ADSS1: variants seen among roughly 807,000 people sequenced by gnomAD.
ADSS1 encodes the protein adenylosuccinate synthase 1.
Under a neutral mutation model 59.1 loss-of-function variants are expected in ADSS1, and 57 were observed. The observed-to-expected ratio is 0.97, with a 90% CI of 0.78 to 1.20. The LOEUF (loss-of-function observed/expected upper bound fraction) is 1.20. Among genes scored for constraint, ADSS1 ranks in the 50% most tolerant of loss-of-function variants. ADSS1 has a pLI of 0.00. For synonymous variants in ADSS1, 247 were observed against 249.4 expected (o/e 0.99, Z 0.09); for missense variants, 603 against 610.3 (o/e 0.99, Z 0.13).
chr14:104,739,425 C>T, intron 4 of ADSS1, 47 bp downstream of exon 4: 1 of 1,572,496 alleles, frequency 6.4e-7, no homozygotes, highest in South Asian at 1.2e-5. Flanking sequence ...CTGCCCCCAC[C>T]ATTGCCAGCC....
intron 11 of ADSS1, chr14:104,745,121 G>A: frequency 1.9e-6 from 1 of 534,552 alleles, no homozygotes; most frequent in East Asian, 3.4e-5. Flanking sequence ...GGGCAGGGGT[G>A]GCTGTAGGCC....
chr14:104,734,961 C>T, intron 1 of ADSS1, 59 bp from the exon 2 acceptor site: 2 of 1,488,422 alleles, frequency 1.3e-6, no homozygotes, highest in Non-Finnish European at 1.9e-6. Flanking sequence ...TGGGTCAGTC[C>T]ATGTCCGGGG....
At chr14:104,736,888 A>ATATATATATATATATATG (rs1382839718) in intron 2 of ADSS1, among the ~76,000 whole-genome samples, 1 of 46,234 alleles carries the variant, frequency 2.2e-5, no homozygotes, top group Non-Finnish European at 3.7e-5. Context: ...GCTGATATAT[A>ATATATATATATATATATG]TATATATATA....
chr14:104,724,392 G>A lies in ADSS1; in HGVS notation c.122G>A (p.Trp41Ter), dbSNP rs202092105. 3.2e-6 allele frequency: 4 copies of A among 1,259,846 alleles called. No individual in the cohort carries two copies. The highest frequency in any genetic ancestry group is 3.0e-6 in the Non-Finnish European group (3 of 997,022). 78.0% of individuals were successfully genotyped at this position (1,259,846 alleles called of 1,614,324 possible). A position where few individuals can be genotyped will look rare whatever the true frequency, so the allele number is the denominator to read the frequency against. The change falls in exon 1 of 13, where the codon TGG (tryptophan) becomes TAG (stop). Residue 41 changes from tryptophan (W) to a stop codon, truncating the protein, a stop_gained. Transcript: ENST00000330877. LOFTEE classifies it high-confidence loss of function. ...GTGACGGTGGTGCTGGGCGCGCAGTGGGGGGACGAGGGCAAAGGCAAGGTG... is the reference window on the plus strand; with the variant it reads ...GTGACGGTGGTGCTGGGCGCGCAGTAGGGGGACGAGGGCAAAGGCAAGGTG... Reference protein sequence around the residue: ...SRVTVVLGAQWGDEGKGKVVD... With the variant: ...SRVTVVLGAQ
At chr14:104,739,959 TC>T in intron 5 of ADSS1, 143 bp downstream of exon 5, 1 of 883,194 alleles carries the variant, frequency 1.1e-6, no homozygotes, top group South Asian at 1.6e-5. Context: ...CCGTCAAAAT[TC>T]CACAGCGCAT....
Position 104,742,780 on chromosome 14 carries a change from G to A in ADSS1, c.949-287G>A, listed in dbSNP as rs577969373. Among the ~76,000 whole-genome samples, 110 of 152,326 alleles carry A rather than the reference G, an allele frequency of 7.2e-4. 1 individual carries two copies. In the Middle Eastern group the frequency reaches 0.024, roughly 33 times the overall value. The stretch of plus-strand genomic sequence containing the variant: ...GGAGGGGAAGACAGCAAGGCTGCCC[G>A]TGCCTTCCCCAGCTCACAAAGCCTA... On this transcript the variant is annotated intron_variant, in intron 9 of 12. Transcript: ENST00000330877.
At chr14:104,733,796 G>A (rs764029703) in intron 1 of ADSS1, among the ~76,000 whole-genome samples, 15 of 152,224 alleles carry the variant, frequency 9.9e-5, no homozygotes, top group African/African-American at 3.6e-4. Flanking sequence ...AGACCAGTCT[G>A]TGGGGCAGGG....
At chr14:104,729,193 G>A (rs1049399656) in intron 1 of ADSS1, among the ~76,000 whole-genome samples, 1 of 152,208 alleles carries the variant, frequency 6.6e-6, no homozygotes, top group African/African-American at 2.4e-5. Context: ...ATGGACTGCA[G>A]GGCAGAGAAG....
At chr14:104,730,308 A>G in intron 1 of ADSS1, 1 of 1,309,320 alleles carries the variant, frequency 7.6e-7, no homozygotes, top group African/African-American at 1.5e-5. Flanking sequence ...AGCCTGGCCA[A>G]GTGAAACCCG....
rs138617954 is a variant in ADSS1 at position 104,736,072 on chromosome 14, G to A, written c.295+950G>A. On this transcript the variant is annotated intron_variant, in intron 2 of 12. Coordinates refer to ENST00000330877, the MANE Select transcript of ADSS1 (RefSeq NM_152328.5). ...ATGTGAGCAGAGGGAGGAAGATAGC[G>A]CGGAGGTGGCTGCCGCAGGGGCCAT... 3.4e-3 allele frequency among the ~76,000 whole-genome samples: 516 copies of A among 152,334 alleles called. 3 individuals are homozygous for A. Among genetic ancestry groups the A allele is most frequent in the African/African-American group, 0.011 (455 of 41,582 alleles).
chr14:104,740,777 G>A lies in ADSS1; in HGVS notation c.585-62G>A. 2.5e-6 allele frequency: 4 copies of A among 1,612,536 alleles called. No individual in the cohort carries two copies. The highest frequency in any genetic ancestry group is 1.1e-5 in the South Asian group (1 of 91,066). Reference sequence around the variant, plus strand: ...TGCCGGAAGGGACTGTGGCTAGTGGGGAGGGCCCTGAGGACCAGCATGGAC... The same window carrying A: ...TGCCGGAAGGGACTGTGGCTAGTGGAGAGGGCCCTGAGGACCAGCATGGAC... On this transcript the variant is annotated intron_variant, in intron 6 of 12. Transcript: ENST00000330877. The surrounding 1 kb of genome is among the most constrained non-coding windows in gnomAD (Gnocchi z 4.8).
chr14:104,729,828 G>A, intron 1 of ADSS1: 1 of 524,816 alleles, frequency 1.9e-6, no homozygotes, highest in South Asian at 2.2e-5. Flanking sequence ...GTGGGGAGGA[G>A]CGTGGCGTCG....
chr14:104,746,824 C>T (rs1175953284), intron 12 of ADSS1, 127 bp from the exon 13 acceptor site: 1 of 961,216 alleles, frequency 1.0e-6, no homozygotes, highest in Non-Finnish European at 1.6e-6. Context: ...TTAGAACTGC[C>T]TCCATTTGGA....
chr14:104,738,337 G>T, intron 2 of ADSS1, 39 bp from the exon 3 acceptor site: 1 of 1,609,136 alleles, frequency 6.2e-7, no homozygotes, highest in Non-Finnish European at 8.5e-7. Flanking sequence ...CAGTGTCTGG[G>T]ACACAACTCT....
In ADSS1 at chr14:104,747,155, A is replaced by G. The variant is rs1310364005; in HGVS notation, c.*152A>G. 3.8e-5 allele frequency: 25 copies of G among 659,804 alleles called. No homozygotes were observed. Among genetic ancestry groups the G allele is most frequent in the African/African-American group, 7.3e-5 (4 of 54,640 alleles). 40.9% of individuals were successfully genotyped at this position (659,804 alleles called of 1,614,324 possible). The stretch of plus-strand genomic sequence containing the variant: ...TCTGTTCAACCTGTTGGTTTCTACA[A>G]TGATTTTAAACATTGGAAAGCCAGC... On this transcript the variant is annotated 3_prime_UTR_variant, in exon 13 of 13. Transcript: ENST00000330877.
intron 1 of ADSS1, among the ~76,000 whole-genome samples, chr14:104,732,701 C>T (rs1423061005): frequency 6.6e-6 from 1 of 152,234 alleles, no homozygotes; most frequent in Non-Finnish European, 1.5e-5. Flanking sequence ...GCCAGGTCAT[C>T]CCTCGACGCC....
intron 8 of ADSS1, 47 bp downstream of exon 8, chr14:104,741,290 G>A: frequency 6.6e-7 from 1 of 1,516,914 alleles, no homozygotes; most frequent in Non-Finnish European, 8.8e-7. Flanking sequence ...GTGCCTGCCA[G>A]GGAAGACCCA....
At chr14:104,728,775 A>G (rs532924799) in intron 1 of ADSS1, among the ~76,000 whole-genome samples, 27 of 152,318 alleles carry the variant, frequency 1.8e-4, no homozygotes, top group Admixed American at 1.4e-3. Flanking sequence ...GCTCGCTGAC[A>G]GCCAGGCCCT....
At chr14:104,746,865 A>C in intron 12 of ADSS1, 86 bp from the exon 13 acceptor site, 4 of 1,397,838 alleles carry the variant, frequency 2.9e-6, no homozygotes, top group Non-Finnish European at 3.0e-6. Context: ...CATTTGAACT[A>C]CACAGAAAGA....
Sources: gnomAD v4.1 joint callset for allele counts (sites outside exome capture counted in the v4.1 genomes callset) on GRCh38, gnomAD v4.1.1 for gene constraint, Gnocchi (gnomAD v3.1) non-coding constraint, MANE v1.5 for transcripts, NCBI Gene and HGNC (gene_info 2026-07-23, HGNC 2026-07-21) for gene names.